Variants in OGG1 observed in about 807,000 individuals in gnomAD.
The protein encoded by OGG1 is N-glycosylase/DNA lyase.
In OGG1, 35 loss-of-function variants were observed where a neutral mutation model predicts 42.3. The ratio of observed to expected loss-of-function variants is 0.83; its 90% CI spans 0.63 to 1.10. The LOEUF (loss-of-function observed/expected upper bound fraction) is 1.10. Ranked by LOEUF, OGG1 falls within the 50% of genes least tolerant of loss-of-function variation. OGG1 has a pLI of 0.00. For synonymous variants in OGG1, 189 were observed against 179.0 expected (o/e 1.06, Z -0.44); for missense variants, 484 against 446.7 (o/e 1.08, Z -0.75).
At chr3:9,765,797 C>T in intron 7 of OGG1, 13 of 1,614,096 alleles carry the variant, frequency 8.1e-6, no homozygotes, top group Non-Finnish European at 1.1e-5. Flanking sequence ...TGCTGCCTTC[C>T]TTGCCCTCCA....
At chr3:9,752,133 C>T (rs1025220110) in intron 3 of OGG1, 184 bp downstream of exon 3, 1 of 625,212 alleles carries the variant, frequency 1.6e-6, no homozygotes, top group Non-Finnish European at 2.8e-6. Context: ...ATGTCAGCAC[C>T]TCACTGGTCT....
At chr3:9,756,842 A>G (rs757755181) in intron 6 of OGG1, 26 bp downstream of exon 6, 1 of 1,612,962 alleles carries the variant, frequency 6.2e-7, no homozygotes, top group Non-Finnish European at 8.5e-7. Flanking sequence ...TGTCCTCCCT[A>G]GGTTTCCTCT....
chr3:9,758,332 C>G (rs1218460721), downstream of OGG1: 1 of 155,364 alleles, frequency 6.4e-6, no homozygotes, highest in East Asian at 1.9e-4. Flanking sequence ...AAAACCATCC[C>G]CCCAAAACAT....
downstream of OGG1, chr3:9,757,829 C>T (rs372117059): frequency 3.3e-5 from 53 of 1,607,766 alleles, no homozygotes; most frequent in Admixed American, 1.7e-4. This position sits in a 1 kb window ranked among gnomAD's most constrained non-coding sequence, Gnocchi z 4.5. Context: ...GCACCACAGC[C>T]GTGGCATTGA....
At chr3:9,789,437 G>T, downstream of OGG1, 1 of 1,399,332 alleles carries the variant, frequency 7.1e-7, no homozygotes. Context: ...CATGGCTTTG[G>T]TAGCTTTACT....
intron 4 of OGG1, 76 bp downstream of exon 4, chr3:9,754,961 G>T: frequency 7.6e-7 from 1 of 1,316,112 alleles, no homozygotes; most frequent in Non-Finnish European, 1.1e-6. Context: ...AAGCCTGGGA[G>T]CTGGGTGGAG....
At chr3:9,766,054 C>T in exon 8 of OGG1, 1 of 1,588,396 alleles carries the variant, frequency 6.3e-7, no homozygotes, top group Non-Finnish European at 8.6e-7. Context: ...GTCACATGAC[C>T]CAGGCCTGGC....
At chr3:9,787,500 G>T in intron 3 of OGG1, 1 of 1,107,724 alleles carries the variant, frequency 9.0e-7, no homozygotes, top group Non-Finnish European at 1.3e-6. Flanking sequence ...GATAAAACCT[G>T]TACTTCACAC....
chr3:9,782,580 G>A (rs1458908227), intron 3 of OGG1, among the ~76,000 whole-genome samples: 2 of 152,202 alleles, frequency 1.3e-5, no homozygotes, highest in Non-Finnish European at 2.9e-5. Context: ...CAAGTCCCTT[G>A]CTCTGCCTCT....
At chr3:9,757,593 G>C, downstream of OGG1, 5 of 1,614,186 alleles carry the variant, frequency 3.1e-6, no homozygotes, top group Non-Finnish European at 4.2e-6. This position sits in a 1 kb window ranked among gnomAD's most constrained non-coding sequence, Gnocchi z 4.5. Context: ...CCACGCAGCA[G>C]TCTCGACAGC....
chr3:9,789,958 G>A (rs1372021564), downstream of OGG1: 3 of 1,593,304 alleles, frequency 1.9e-6, no homozygotes, highest in Non-Finnish European at 1.7e-6. Context: ...GCCAGTCGGT[G>A]AGGATCTGAA....
chr3:9,770,336 C>T (rs1012732486), downstream of OGG1, among the ~76,000 whole-genome samples: 1 of 152,156 alleles, frequency 6.6e-6, no homozygotes, highest in African/African-American at 2.4e-5. Flanking sequence ...TCTCCCTTCT[C>T]CGTGCCCTGA....
At chr3:9,790,853 T>G (rs528655541), downstream of OGG1, among the ~76,000 whole-genome samples, 23 of 152,326 alleles carry the variant, frequency 1.5e-4, no homozygotes, top group Admixed American at 2.6e-4. Flanking sequence ...CAAGCGCTTA[T>G]GCCAGGATTC....
intron 2 of OGG1, among the ~76,000 whole-genome samples, chr3:9,777,077 C>T (rs1002510464): frequency 3.9e-5 from 6 of 152,144 alleles, no homozygotes; most frequent in East Asian, 1.9e-4. Flanking sequence ...GCCCAGAGTA[C>T]TCAGGAGCAG....
intron 3 of OGG1, chr3:9,785,220 C>T (rs2125621528): frequency 1.1e-6 from 1 of 925,194 alleles, no homozygotes; most frequent in South Asian, 1.5e-5. Flanking sequence ...TAACTGCCCC[C>T]AGCCTCTTAC....
At chr3:9,751,973 C>G in intron 3 of OGG1, 24 bp downstream of exon 3, 1 of 1,607,002 alleles carries the variant, frequency 6.2e-7, no homozygotes, top group Non-Finnish European at 8.5e-7. Context: ...TCCCCTGCCC[C>G]CAGGCCTTCC....
rs960550266 is a variant in OGG1, at chr3:9,750,668, C to T, written c.137+245C>T. ...TGTTTTTCTTTTTTTGAGACAGGGTCTCGCTCTGTTGCCCAGGTAGGAATG... is the reference window on the plus strand; with the variant it reads ...TGTTTTTCTTTTTTTGAGACAGGGTTTCGCTCTGTTGCCCAGGTAGGAATG... On this transcript the variant is annotated intron_variant, in intron 1 of 6. Coordinates refer to ENST00000344629, the MANE Select transcript of OGG1 (RefSeq NM_002542.6). 4.3e-6 allele frequency: 3 copies of T among 701,700 alleles called. No homozygotes were observed. In the South Asian group the frequency reaches 5.4e-5, roughly 13 times the overall value. 43.5% of individuals were successfully genotyped at this position (701,700 alleles called of 1,614,324 possible).
At chr3:9,764,914 C>T (rs538796669) in intron 7 of OGG1, among the ~76,000 whole-genome samples, 72 of 152,120 alleles carry the variant, frequency 4.7e-4, no homozygotes, top group African/African-American at 1.6e-3. Flanking sequence ...TATACAAATC[C>T]CTGTCCTCTC....
chr3:9,751,216 G>GT, intron 2 of OGG1, 24 bp downstream of exon 2: 1 of 1,611,874 alleles, frequency 6.2e-7, no homozygotes, highest in Non-Finnish European at 8.5e-7. Context: ...CTGGGCTGGG[G>GT]TTAGGGTTCT....
Sources: allele counts gnomAD v4.1 joint callset (sites outside exome capture counted in the v4.1 genomes callset), GRCh38; gene constraint gnomAD v4.1.1; non-coding constraint Gnocchi (gnomAD v3.1); transcripts MANE v1.5; gene names NCBI Gene and HGNC (gene_info 2026-07-23, HGNC 2026-07-21).